Variants in SCLY observed in about 807,000 individuals in gnomAD.
SCLY encodes selenocysteine lyase.
SCLY carries 38 observed loss-of-function variants against 50.1 expected under a neutral mutation model. The ratio of observed to expected loss-of-function variants is 0.76; its 90% CI spans 0.59 to 0.99. The LOEUF is 0.99. SCLY is among the 50% of genes least tolerant of loss of function. The probability of loss-of-function intolerance (pLI) is 0.00; values close to 1 mark genes in which losing one functional copy is unlikely to be tolerated. For synonymous variants in SCLY, 243 were observed against 249.4 expected, an observed-to-expected ratio of 0.97 and a Z score of 0.24; for missense variants, 600 against 620.0, an observed-to-expected ratio of 0.97 and a Z score of 0.34.
At position 238,096,829 on chromosome 2, in the gene SCLY, G is replaced by A. The variant is rs375566846; in HGVS notation, c.1137G>A (p.Val379=). The A allele has an allele frequency of 1.3e-5, 21 of 1,612,296 alleles. No individual in the cohort carries two copies. The highest frequency in any genetic ancestry group is 1.7e-5 in the Non-Finnish European group (20 of 1,179,612). ...QGHVVLAQCR[V]LMASVGAACH... is the part of the protein sequence containing the mutation. ...ACGTGGTGCTTGCGCAGTGCCGAGT[G>A]CTGATGGCCAGTGTGGGGGCCGCGT... Residue 379 remains valine (V), a synonymous_variant, in exon 11 of 12, where the codon GTG becomes GTA. Transcript: ENST00000254663.
In SCLY at chr2:238,083,255, G is replaced by A. The variant is rs2065256581; in HGVS notation, c.785G>A (p.Gly262Asp). 1.2e-6 allele frequency: 2 copies of A among 1,611,692 alleles called. No homozygotes were observed. Among genetic ancestry groups the A allele is most frequent in the South Asian group, 1.1e-5 (1 of 91,046 alleles). Residue 262 changes from glycine (G) to aspartate (D), a missense_variant, in exon 7 of 12, where the codon GGT becomes GAT. Gly to Asp is a moderately conservative substitution (Grantham distance 94, BLOSUM62 -1). Transcript: ENST00000254663. This position sits in a 1 kb window ranked among gnomAD's most constrained non-coding sequence, Gnocchi z 4.3. ...ACCAACTTTTCCTTCCAGTTTTATG[G>A]TCCCAGGATTGGCGCACTTTATATA... ...FLTIVGHKFY[G>D]PRIGALYIRG...
intron 7 of SCLY, among the ~76,000 whole-genome samples, chr2:238,086,212 A>G (rs951060071): frequency 6.6e-6 from 1 of 152,216 alleles, no homozygotes; most frequent in Non-Finnish European, 1.5e-5. Flanking sequence ...ATGAAGAAAA[A>G]CTAAGAATTT....
At chr2:238,076,046 C>CT (rs34627467) in intron 4 of SCLY, among the ~76,000 whole-genome samples, 38,023 of 132,242 alleles carry the variant, frequency 0.29, 5,720 homozygotes, top group Admixed American at 0.37. Flanking sequence ...TGATTTGTTC[C>CT]TTTTTTTTTT....
intron 4 of SCLY, chr2:238,079,764 C>T (rs2065216719): frequency 6.6e-6 from 1 of 152,050 alleles, no homozygotes; most frequent in African/African-American, 2.4e-5. Context: ...GAGTGAATGT[C>T]TTTGTGTTTT....
chr2:238,061,833 A>G (rs984346845), intron 1 of SCLY, among the ~76,000 whole-genome samples: 3 of 152,154 alleles, frequency 2.0e-5, no homozygotes, highest in Non-Finnish European at 2.9e-5. Flanking sequence ...TGGTATCCAT[A>G]CTAGTTAAGT....
At chr2:238,084,671 G>C (rs12478599) in intron 7 of SCLY, among the ~76,000 whole-genome samples, 43,252 of 147,668 alleles carry the variant, frequency 0.29, 6,675 homozygotes, top group East Asian at 0.51. Flanking sequence ...GAGGCGGGTG[G>C]ATCACAAGGT....
intron 4 of SCLY, chr2:238,073,837 C>T (rs113368015): frequency 0.011 from 4,825 of 451,998 alleles, 194 homozygotes; most frequent in African/African-American, 0.089. Context: ...TCTGCTTCCA[C>T]TTAATTAATA....
intron 4 of SCLY, among the ~76,000 whole-genome samples, chr2:238,077,912 C>A (rs1385506799): frequency 8.6e-5 from 13 of 151,422 alleles, no homozygotes. Context: ...AGGCCCAGCC[C>A]AAGATCCCTG....
At chr2:238,086,748 G>A (rs561439640) in intron 7 of SCLY, among the ~76,000 whole-genome samples, 45 of 148,652 alleles carry the variant, frequency 3.0e-4, no homozygotes, top group East Asian at 9.9e-4. Context: ...GGCCAGGCAC[G>A]GTGGCTCACG....
chr2:238,094,144 G>A (rs140078957), intron 9 of SCLY, 200 bp downstream of exon 9: 153 of 625,628 alleles, frequency 2.4e-4, no homozygotes, highest in Middle Eastern at 8.6e-4. Flanking sequence ...AGGACCCTAG[G>A]CCAGGGGCAT....
chr2:238,091,521 A>AAT, intron 8 of SCLY: 2 of 437,178 alleles, frequency 4.6e-6, no homozygotes, highest in Admixed American at 3.7e-5. Flanking sequence ...CTGTTACAGC[A>AAT]GAGGTGAAGT....
chr2:238,075,308 GTCA>G (rs1394117322), intron 4 of SCLY, among the ~76,000 whole-genome samples: 4 of 152,130 alleles, frequency 2.6e-5, no homozygotes, highest in African/African-American at 9.7e-5. Flanking sequence ...AGATTTTTCT[GTCA>G]ATATTCATAA....
intron 3 of SCLY, among the ~76,000 whole-genome samples, chr2:238,068,682 A>G (rs1481358726): frequency 2.0e-5 from 3 of 152,232 alleles, no homozygotes; most frequent in East Asian, 3.8e-4. Context: ...CCTGCTTTGC[A>G]TTGTTATTTC....
At chr2:238,087,327 C>G (rs1416759814) in intron 7 of SCLY, among the ~76,000 whole-genome samples, 1 of 152,106 alleles carries the variant, frequency 6.6e-6, no homozygotes, top group Admixed American at 6.5e-5. Flanking sequence ...AGGAGTACCA[C>G]TCCAGGCCCT....
intron 8 of SCLY, chr2:238,091,549 C>CCTGA: frequency 3.8e-5 from 13 of 339,044 alleles, no homozygotes; most frequent in Admixed American, 1.3e-4. Flanking sequence ...TGCAGGTTCA[C>CCTGA]CATTCCCAAA....
Position 238,069,121 on chromosome 2 carries a change from C to T in SCLY, c.304-176C>T, listed in dbSNP as rs1416804207. On this transcript the variant is annotated intron_variant, in intron 3 of 11. Coordinates refer to ENST00000254663, the MANE Select transcript of SCLY (RefSeq NM_016510.7). The surrounding 1 kb of genome is among the most constrained non-coding windows in gnomAD (Gnocchi z 5.0). ...AAACAGACATAATTGACTGGAATCT[C>T]ATGTTTTTGAATGTTGGAAAACCCC... is the stretch of plus-strand genomic sequence containing the variant. Among the ~76,000 whole-genome samples the T allele has an allele frequency of 1.3e-5, 2 of 152,172 alleles. No homozygotes were observed. Among genetic ancestry groups the T allele is most frequent in the African/African-American group, 2.4e-5 (1 of 41,424 alleles).
chr2:238,067,064 A>G lies in SCLY; in HGVS notation c.203-1001A>G, dbSNP rs760475933. Among the ~76,000 whole-genome samples, 15 of 152,194 alleles carry G rather than the reference A, an allele frequency of 9.9e-5. No homozygotes were observed. Among genetic ancestry groups the G allele is most frequent in the Non-Finnish European group, 1.6e-4 (11 of 68,034 alleles). ...TGACGTGGGAATTATGGGAGCTACAATTCAAGATGAGATTTGGGTGGGGAC... is the reference window on the plus strand; with the variant it reads ...TGACGTGGGAATTATGGGAGCTACAGTTCAAGATGAGATTTGGGTGGGGAC... On this transcript the variant is annotated intron_variant, in intron 2 of 11. Coordinates refer to ENST00000254663, the MANE Select transcript of SCLY (RefSeq NM_016510.7). This position sits in a 1 kb window ranked among gnomAD's most constrained non-coding sequence, Gnocchi z 4.3.
At chr2:238,065,396 A>T (rs2065058356) in intron 2 of SCLY, among the ~76,000 whole-genome samples, 1 of 152,192 alleles carries the variant, frequency 6.6e-6, no homozygotes. Flanking sequence ...GAATAATTAA[A>T]TGCCGATGAC....
At chr2:238,075,475 A>T (rs1239777143) in intron 4 of SCLY, among the ~76,000 whole-genome samples, 1 of 152,158 alleles carries the variant, frequency 6.6e-6, no homozygotes, top group Non-Finnish European at 1.5e-5. Context: ...TAAATATTTG[A>T]TAGAGTTTGC....
Sources: gnomAD v4.1 joint callset for allele counts (sites outside exome capture counted in the v4.1 genomes callset) on GRCh38, gnomAD v4.1.1 for gene constraint, Gnocchi (gnomAD v3.1) non-coding constraint, MANE v1.5 for transcripts, NCBI Gene and HGNC (gene_info 2026-07-23, HGNC 2026-07-21) for gene names.